Variants in MS4A14 observed in about 807,000 individuals in gnomAD.
MS4A14 encodes the protein membrane spanning 4-domains A14, also known as membrane-spanning 4-domains subfamily A member 14.
A neutral mutation model predicts 16.7 loss-of-function variants in MS4A14; 18 were observed. That is an observed-to-expected ratio of 1.08 (90% CI 0.75 to 1.60). MS4A14 has a LOEUF of 1.60. MS4A14 is among the 40% of genes most tolerant of loss of function. The pLI is 0.00. For synonymous variants in MS4A14, 305 were observed against 289.4 expected, an observed-to-expected ratio of 1.05 and a Z score of -0.55; for missense variants, 812 against 775.3, an observed-to-expected ratio of 1.05 and a Z score of -0.56.
intron 4 of MS4A14, among the ~76,000 whole-genome samples, chr11:60,413,893 T>A (rs948557665): frequency 2.6e-5 from 4 of 152,092 alleles, no homozygotes; most frequent in Non-Finnish European, 4.4e-5. Context: ...ACAAGAAGCA[T>A]AGATCAGAGA....
Position 60,416,632 on chromosome 11 carries a change from A to T in MS4A14, c.1664A>T (p.Asn555Ile). ...TCCGTAGATAAGCAAGCTCAACTTA[A>T]TCAAACTAAAGAGCAACTCCCAGAT... ...RHSVDKQAQLNQTKEQLPDQQ... is the reference protein window; with the variant it reads ...RHSVDKQAQLIQTKEQLPDQQ... Residue 555 changes from asparagine to isoleucine, a missense_variant, in exon 5 of 5, where the codon AAT (asparagine) becomes ATT (isoleucine). Transcript: ENST00000300187. The T allele has an allele frequency of 6.2e-7, 1 of 1,613,914 alleles. No individual in the cohort carries two copies. Among genetic ancestry groups the T allele is most frequent in the East Asian group, 2.2e-5 (1 of 44,872 alleles).
At chr11:60,401,336 A>G (rs1299565901) in intron 3 of MS4A14, among the ~76,000 whole-genome samples, 1 of 152,228 alleles carries the variant, frequency 6.6e-6, no homozygotes, top group Non-Finnish European at 1.5e-5. Flanking sequence ...AGGGGAGGGC[A>G]GATAAATGTT....
At chr11:60,412,097 C>T (rs985679082) in intron 4 of MS4A14, among the ~76,000 whole-genome samples, 11 of 151,536 alleles carry the variant, frequency 7.3e-5, no homozygotes, top group Non-Finnish European at 1.2e-4. Flanking sequence ...TTGTATTTTG[C>T]TTATCAATTT....
chr11:60,407,872 C>A (rs1264370024), intron 4 of MS4A14, among the ~76,000 whole-genome samples: 1 of 151,732 alleles, frequency 6.6e-6, no homozygotes, highest in Admixed American at 6.6e-5. Flanking sequence ...TTAATAGCTT[C>A]TTTGAAAAAA....
chr11:60,402,310 T>C (rs958428203), intron 3 of MS4A14, among the ~76,000 whole-genome samples: 2 of 152,196 alleles, frequency 1.3e-5, no homozygotes, highest in Non-Finnish European at 2.9e-5. Flanking sequence ...TGTTAACGAT[T>C]CTGTTGATTA....
chr11:60,415,647 G>C lies in MS4A14; in HGVS notation c.679G>C (p.Glu227Gln), dbSNP rs893915141. 2 of 1,613,742 alleles carry C rather than the reference G, an allele frequency of 1.2e-6. No individual in the cohort carries two copies. The highest frequency in any genetic ancestry group is 1.7e-6 in the Non-Finnish European group (2 of 1,179,870). ...CTCCCAACCAGGTAATAAAGGTAGA[G>C]AATTTGTGCCAGATGAACAAAAGCA... ...LVSQPGNKGR[E>Q]FVPDEQKQSI... is the part of the protein sequence containing the mutation. Residue 227 changes from glutamate to glutamine, a missense_variant, in exon 5 of 5, where the codon GAA becomes CAA. Coordinates refer to ENST00000300187, the MANE Select transcript of MS4A14 (RefSeq NM_032597.5).
At chr11:60,404,186 T>C (rs1233582409) in intron 4 of MS4A14, among the ~76,000 whole-genome samples, 1 of 152,246 alleles carries the variant, frequency 6.6e-6, no homozygotes, top group Non-Finnish European at 1.5e-5. Context: ...TCCAGATATA[T>C]GAAATTCCGT....
rs914727718 is a variant in MS4A14 at position 60,396,597 on chromosome 11, G to C, written c.19G>C (p.Asp7His). 7.4e-6 allele frequency: 12 copies of C among 1,613,734 alleles called. No individual in the cohort carries two copies. Among genetic ancestry groups the C allele is most frequent in the Non-Finnish European group, 1.0e-5 (12 of 1,179,912 alleles). ...TAGAATCATGGAGTCAACATCCCAGGACAGAAGGGCAACTCACGTCATCAC... is the reference window on the plus strand; with the variant it reads ...TAGAATCATGGAGTCAACATCCCAGCACAGAAGGGCAACTCACGTCATCAC... MESTSQDRRATHVITIK... is the reference protein window; with the variant it reads MESTSQHRRATHVITIK... The change falls in exon 1 of 5, where the codon GAC (aspartate) becomes CAC (histidine). Residue 7 changes from aspartate to histidine, a missense_variant. By Grantham distance (81) the Asp-to-His change is moderately conservative. Coordinates refer to ENST00000300187, the MANE Select transcript of MS4A14 (RefSeq NM_032597.5).
intron 4 of MS4A14, among the ~76,000 whole-genome samples, chr11:60,409,328 C>T (rs1353568032): frequency 1.3e-5 from 2 of 152,084 alleles, no homozygotes; most frequent in African/African-American, 4.8e-5. Context: ...ATCCTCCCTA[C>T]CTTCCCTAGC....
At position 60,403,028 on chromosome 11, in the gene MS4A14, A is replaced by G. The variant is rs1038027134; in HGVS notation, c.435A>G (p.Glu145=). Residue 145 remains glutamate, a synonymous_variant, in exon 4 of 5, where the codon GAA becomes GAG. Transcript: ENST00000300187. ...QDKYCQMPSF[E]EICVFSRTLF... ...AGTACTGCCAGATGCCATCCTTTGAAGAAATATGTGTTTTCAGTAGAACTC... is the reference window on the plus strand; with the variant it reads ...AGTACTGCCAGATGCCATCCTTTGAGGAAATATGTGTTTTCAGTAGAACTC... 1 of 1,613,694 alleles carries G rather than the reference A, an allele frequency of 6.2e-7. No individual in the cohort carries two copies. Among genetic ancestry groups the G allele is most frequent in the Non-Finnish European group, 8.5e-7 (1 of 1,179,776 alleles).
chr11:60,406,817 A>T (rs370151227), intron 4 of MS4A14, among the ~76,000 whole-genome samples: 1 of 152,090 alleles, frequency 6.6e-6, no homozygotes, highest in African/African-American at 2.4e-5. Flanking sequence ...CAATGTTCTC[A>T]TCACCTAGAT....
chr11:60,414,448 C>A (rs898183279), intron 4 of MS4A14, among the ~76,000 whole-genome samples: 1 of 152,108 alleles, frequency 6.6e-6, no homozygotes, highest in Non-Finnish European at 1.5e-5. Context: ...GAGTTCTGAT[C>A]CACTTCATCA....
chr11:60,404,613 A>G (rs1417967552), intron 4 of MS4A14: 8 of 456,812 alleles, frequency 1.8e-5, no homozygotes, highest in Non-Finnish European at 3.1e-5. Flanking sequence ...TCAAGTATCC[A>G]CGGCCCCAAG....
intron 4 of MS4A14, among the ~76,000 whole-genome samples, chr11:60,404,958 T>C (rs1009432578): frequency 2.1e-4 from 32 of 152,206 alleles, no homozygotes; most frequent in African/African-American, 7.7e-4. Flanking sequence ...TACAATAGGG[T>C]CTTCATACAT....
In MS4A14 at chr11:60,402,899, A is replaced by C; in HGVS notation, c.319-13A>C. 6.2e-7 allele frequency: 1 copy of C among 1,605,150 alleles called. No individual in the cohort carries two copies. Among genetic ancestry groups the C allele is most frequent in the African/African-American group, 1.3e-5 (1 of 74,522 alleles). On this transcript the variant is annotated splice_polypyrimidine_tract_variant and intron_variant, in intron 3 of 4. Transcript: ENST00000300187. ...GATCTTATTTATTTTATCATTTTTA[A>C]ACTATCTTTCAGGGTCAAGGTGTCA...
intron 4 of MS4A14, among the ~76,000 whole-genome samples, chr11:60,408,163 G>A (rs2085815284): frequency 6.6e-6 from 1 of 151,938 alleles, no homozygotes; most frequent in Admixed American, 6.6e-5. Context: ...CCATCACCTT[G>A]GTATTTTTGT....
chr11:60,416,915 G>A lies in MS4A14; in HGVS notation c.1947G>A (p.Gln649=), dbSNP rs986321895. Residue 649 remains glutamine (Q), a synonymous_variant, in exon 5 of 5, where the codon CAG becomes CAA. Transcript: ENST00000300187. ...GCCAAGATTCAGAATCCCAAATACA[G>A]CAATACCAATTCTGGCAATTCCACA... The part of the protein sequence containing the change: ...LLCQDSESQI[Q]QYQFWQFHKG... The A allele has an allele frequency of 1.9e-6, 3 of 1,613,710 alleles. No homozygotes were observed. Among genetic ancestry groups the A allele is most frequent in the Non-Finnish European group, 2.5e-6 (3 of 1,179,776 alleles).
At chr11:60,405,924 A>G in intron 4 of MS4A14, 1 of 1,535,072 alleles carries the variant, frequency 6.5e-7, no homozygotes, top group Non-Finnish European at 8.7e-7. Flanking sequence ...TCAGCATAGC[A>G]GAGCTCAGCA....
rs2135156280 is a variant in MS4A14, at chr11:60,416,025, A to G, written c.1057A>G (p.Asn353Asp). 1 of 1,613,800 alleles carries G rather than the reference A, an allele frequency of 6.2e-7. No homozygotes were observed. The highest frequency in any genetic ancestry group is 8.5e-7 in the Non-Finnish European group (1 of 1,179,922). Residue 353 changes from asparagine to aspartate, a missense_variant, in exon 5 of 5, where the codon AAT (asparagine) becomes GAT (aspartate). Asn to Asp is a conservative substitution (Grantham distance 23, BLOSUM62 1). Transcript: ENST00000300187. ...HVKQSSNLTA[N>D]DLPPQGILSQ... ...CAAACAGTCTTCTAATCTGACAGCT[A>G]ATGACCTGCCCCCTCAAGGCATACT...
Sources: allele counts gnomAD v4.1 joint callset (sites outside exome capture counted in the v4.1 genomes callset), GRCh38; gene constraint gnomAD v4.1.1; transcripts MANE v1.5; gene names NCBI Gene and HGNC (gene_info 2026-07-23, HGNC 2026-07-21).